The following PRKCA variants were observed in gnomAD, a reference collection of about 807,000 sequenced individuals.
The protein encoded by PRKCA is protein kinase C alpha type.
Under a neutral mutation model 87.0 loss-of-function variants are expected in PRKCA, and 27 were observed. The ratio of observed to expected loss-of-function variants is 0.31; its 90% confidence interval spans 0.23 to 0.43. The LOEUF (loss-of-function observed/expected upper bound fraction) is 0.43, where lower values mean the gene tolerates loss of function less well. PRKCA is among the 20% of genes least tolerant of loss of function. The pLI, the probability that PRKCA is intolerant of heterozygous loss-of-function variation, is 1.00. For missense variants in PRKCA, 518 were observed against 852.3 expected, an observed-to-expected ratio of 0.61 and a Z score of 4.88; for synonymous variants, 329 against 311.1, an observed-to-expected ratio of 1.06 and a Z score of -0.61.
intron 3 of PRKCA, among the ~76,000 whole-genome samples, chr17:66,580,747 G>A (rs1012120599): frequency 1.3e-5 from 2 of 152,168 alleles, no homozygotes; most frequent in African/African-American, 4.8e-5. Context: ...CCCAGATCAG[G>A]AAACAGAACA....
intron 3 of PRKCA, among the ~76,000 whole-genome samples, chr17:66,604,238 C>T (rs1276991194): frequency 4.7e-5 from 7 of 149,192 alleles, no homozygotes; most frequent in Non-Finnish European, 7.4e-5. Flanking sequence ...GCTTTGGTGA[C>T]ATCTGCAAGA....
intron 2 of PRKCA, among the ~76,000 whole-genome samples, chr17:66,328,498 C>G (rs1906125936): frequency 6.6e-6 from 1 of 152,080 alleles, no homozygotes; most frequent in Non-Finnish European, 1.5e-5. Context: ...ATTGTGTGTT[C>G]TAGAAACTGA....
chr17:66,524,260 CTG>C (rs769617217), intron 3 of PRKCA, among the ~76,000 whole-genome samples: 4 of 152,174 alleles, frequency 2.6e-5, no homozygotes, highest in East Asian at 1.9e-4. Flanking sequence ...CAGTGGAAGA[CTG>C]TGTGTTTTGC....
intron 2 of PRKCA, among the ~76,000 whole-genome samples, chr17:66,325,079 G>A (rs534087122): frequency 6.6e-6 from 1 of 152,296 alleles, no homozygotes; most frequent in East Asian, 1.9e-4. Flanking sequence ...CCCTGGAAGT[G>A]CAGCATCTCA....
chr17:66,547,567 T>C (rs1968183730), intron 3 of PRKCA, among the ~76,000 whole-genome samples: 1 of 152,206 alleles, frequency 6.6e-6, no homozygotes, highest in South Asian at 2.1e-4. Context: ...TATAAATGAC[T>C]AAATGTTCCC....
intron 2 of PRKCA, among the ~76,000 whole-genome samples, chr17:66,371,571 T>A (rs1205198061): frequency 6.6e-6 from 1 of 152,238 alleles, no homozygotes; most frequent in Non-Finnish European, 1.5e-5. Flanking sequence ...CCAGTTTTTT[T>A]ATCTGTAACA....
At chr17:66,315,005 A>G (rs1039711012) in intron 2 of PRKCA, among the ~76,000 whole-genome samples, 2 of 151,858 alleles carry the variant, frequency 1.3e-5, no homozygotes, top group Admixed American at 1.3e-4. Context: ...ATGTGTATAT[A>G]TGTGTGTATA....
chr17:66,737,433 A>C (rs1001712646), intron 10 of PRKCA, among the ~76,000 whole-genome samples: 10 of 152,058 alleles, frequency 6.6e-5, no homozygotes, highest in African/African-American at 2.2e-4. Context: ...TGGTCTTTCC[A>C]CTCCTCAGAG....
intron 13 of PRKCA, among the ~76,000 whole-genome samples, chr17:66,751,673 G>A (rs1389078133): frequency 2.0e-5 from 3 of 152,148 alleles, no homozygotes; most frequent in Admixed American, 2.0e-4. Context: ...GGTCCTATAG[G>A]TGGGTGCTGA....
chr17:66,323,852 G>T (rs1905820914), intron 2 of PRKCA, among the ~76,000 whole-genome samples: 1 of 152,068 alleles, frequency 6.6e-6, no homozygotes, highest in Admixed American at 6.5e-5. Flanking sequence ...AGACAGAATG[G>T]CTTGAATCTG....
At chr17:66,628,105 T>C (rs905198270) in intron 3 of PRKCA, among the ~76,000 whole-genome samples, 5 of 151,770 alleles carry the variant, frequency 3.3e-5, no homozygotes, top group Non-Finnish European at 7.4e-5. Context: ...CTGGCAAGCT[T>C]ATTCCAGCAG....
chr17:66,651,548 A>G (rs1381030183), intron 5 of PRKCA, among the ~76,000 whole-genome samples: 1 of 152,228 alleles, frequency 6.6e-6, no homozygotes, highest in Non-Finnish European at 1.5e-5. Context: ...GCTGTGGAAT[A>G]TAATAACTTG....
At chr17:66,554,610 A>C in intron 3 of PRKCA, 1 of 891,236 alleles carries the variant, frequency 1.1e-6, no homozygotes, top group Middle Eastern at 3.0e-4. Flanking sequence ...ATTTTAAAGG[A>C]CTTTTTTTTG....
At chr17:66,525,525 C>T (rs1435361628) in intron 3 of PRKCA, among the ~76,000 whole-genome samples, 1 of 152,040 alleles carries the variant, frequency 6.6e-6, no homozygotes, top group Non-Finnish European at 1.5e-5. Flanking sequence ...TGGAGAGAGA[C>T]AGATTAGCGC....
Position 66,657,098 on chromosome 17 carries a change from ATAAG to A in PRKCA, c.529+11589_529+11592del, listed in dbSNP as rs557493025. On this transcript the variant is annotated intron_variant, in intron 5 of 16. Transcript: ENST00000413366. ...TTCAGATTTCCTGAGAAAATATGAG[ATAAG>A]TTAGCTCCTGAGCTTGTTCTAAAAT... 3.2e-4 allele frequency among the ~76,000 whole-genome samples: 49 copies of A among 152,326 alleles called. 3 individuals carry two copies. The South Asian group carries it at 0.01, about 32-fold the overall frequency.
At chr17:66,754,038 T>A (rs1974492473) in intron 13 of PRKCA, among the ~76,000 whole-genome samples, 1 of 152,072 alleles carries the variant, frequency 6.6e-6, no homozygotes, top group African/African-American at 2.4e-5. Context: ...TGATTTGTAA[T>A]ACTCCTATTT....
intron 3 of PRKCA, among the ~76,000 whole-genome samples, chr17:66,632,372 TTTTG>T (rs1056197284): frequency 7.9e-5 from 12 of 152,100 alleles, no homozygotes; most frequent in Non-Finnish European, 1.6e-4. Context: ...GCTTTTTGTT[TTTTG>T]TTTGTTTGTT....
At chr17:66,318,356 G>A (rs138729634) in intron 2 of PRKCA, among the ~76,000 whole-genome samples, 15 of 152,066 alleles carry the variant, frequency 9.9e-5, no homozygotes, top group African/African-American at 3.6e-4. Context: ...TTAATTTTTA[G>A]GTGCTAATTC....
chr17:66,444,416 G>C (rs2143890895), intron 2 of PRKCA, among the ~76,000 whole-genome samples: 1 of 152,272 alleles, frequency 6.6e-6, no homozygotes, highest in South Asian at 2.1e-4. Flanking sequence ...TTTATTTCTT[G>C]GAGGTACATC....
Sources: allele counts gnomAD v4.1 joint callset (sites outside exome capture counted in the v4.1 genomes callset), GRCh38; gene constraint gnomAD v4.1.1; transcripts MANE v1.5; gene names NCBI Gene and HGNC (gene_info 2026-07-23, HGNC 2026-07-21).